The following RYR1 variants were observed in gnomAD, a reference collection of about 807,000 sequenced individuals.
RYR1 encodes ryanodine receptor 1.
In RYR1, 342 loss-of-function variants were observed where a neutral mutation model predicts 583.5. That is an observed-to-expected ratio of 0.59 (90% CI 0.54 to 0.64). The LOEUF (loss-of-function observed/expected upper bound fraction) is 0.64. Among genes scored for constraint, RYR1 ranks in the 30% least tolerant of loss-of-function variants. RYR1 has a pLI of 0.00. For synonymous variants in RYR1, 2,791 were observed against 2,822.5 expected, an observed-to-expected ratio of 0.99 and a Z score of 0.35; for missense variants, 6,032 against 6,917.2, an observed-to-expected ratio of 0.87 and a Z score of 4.54.
chr19:38,586,116 G>T lies in RYR1; in HGVS notation c.14894G>T (p.Gly4965Val). The change falls in exon 104 of 106, where the codon GGC (glycine) becomes GTC (valine). Residue 4965 changes from glycine to valine, a missense_variant. Coordinates refer to ENST00000359596, the MANE Select transcript of RYR1 (RefSeq NM_000540.3). ...ACCAAGTGCTTCATCTGTGGAATCG[G>T]CAGTGACTACTTTGATACGACACCG... is the stretch of plus-strand genomic sequence containing the variant. ...METKCFICGI[G>V]SDYFDTTPHG... 1.2e-6 allele frequency: 2 copies of T among 1,614,106 alleles called. No homozygotes were observed. Among genetic ancestry groups the T allele is most frequent in the Non-Finnish European group, 1.7e-6 (2 of 1,180,020 alleles).
At chr19:38,558,488 A>G (rs1049879672) in intron 89 of RYR1, among the ~76,000 whole-genome samples, 5 of 152,178 alleles carry the variant, frequency 3.3e-5, no homozygotes, top group African/African-American at 1.2e-4. Flanking sequence ...TGTACCCACA[A>G]AAATGAAAAA....
chr19:38,497,064 G>A, intron 42 of RYR1, 110 bp downstream of exon 42: 1 of 876,938 alleles, frequency 1.1e-6, no homozygotes. Context: ...AATTCTGGAT[G>A]GTCCAGTGCC....
chr19:38,500,403 G>C lies in RYR1; in HGVS notation c.7324-203G>C, dbSNP rs916349587. On this transcript the variant is annotated intron_variant, in intron 45 of 105. Coordinates refer to ENST00000359596, the MANE Select transcript of RYR1 (RefSeq NM_000540.3). The surrounding 1 kb of genome is among the most constrained non-coding windows in gnomAD (Gnocchi z 5.9). ...TGAGGGGTCGCAGGGAGAGGGGTCA[G>C]GATGAGGTTGGGGGGAACAAGGAGA... 2.0e-5 allele frequency among the ~76,000 whole-genome samples: 3 copies of C among 149,852 alleles called. No homozygotes were observed. The highest frequency in any genetic ancestry group is 4.9e-5 in the African/African-American group (2 of 40,570).
chr19:38,497,338 G>A (rs774562677), intron 42 of RYR1, among the ~76,000 whole-genome samples: 4 of 152,206 alleles, frequency 2.6e-5, no homozygotes, highest in Non-Finnish European at 5.9e-5. Flanking sequence ...TTCCAGCCAG[G>A]TGGCCTTGGC....
chr19:38,549,371 C>T (rs990968841), intron 89 of RYR1, among the ~76,000 whole-genome samples: 20 of 152,016 alleles, frequency 1.3e-4, no homozygotes, highest in Non-Finnish European at 2.5e-4. Flanking sequence ...GTGGGAGGAT[C>T]GCTTGAGCCC....
chr19:38,506,960 G>A lies in RYR1; in HGVS notation c.8816+8G>A, dbSNP rs2145638748. 1.2e-6 allele frequency: 2 copies of A among 1,612,440 alleles called. No individual in the cohort carries two copies. Among genetic ancestry groups the A allele is most frequent in the Non-Finnish European group, 1.7e-6 (2 of 1,180,018 alleles). On this transcript the variant is annotated splice_region_variant and intron_variant, in intron 57 of 105. Transcript: ENST00000359596. ...TGGCTACGCGGTTACAAGGCACGCG[G>A]GTTGGGGCTCCCGCGGAAGAGCAGC...
Position 38,512,786 on chromosome 19 carries a change from A to C in RYR1, c.9472+303A>C, listed in dbSNP as rs1316601708. Reference sequence around the variant, plus strand: ...CAAGACCAGCTTGGGCAACATAGCGAGACCCTGTCTCTACTAAAAAAAAAA... The same window carrying C: ...CAAGACCAGCTTGGGCAACATAGCGCGACCCTGTCTCTACTAAAAAAAAAA... On this transcript the variant is annotated intron_variant, in intron 63 of 105. Coordinates refer to ENST00000359596, the MANE Select transcript of RYR1 (RefSeq NM_000540.3). The surrounding 1 kb of genome is among the most constrained non-coding windows in gnomAD (Gnocchi z 5.1). 6.6e-6 allele frequency among the ~76,000 whole-genome samples: 1 copy of C among 151,566 alleles called. No homozygotes were observed. Among genetic ancestry groups the C allele is most frequent in the African/African-American group, 2.4e-5 (1 of 41,212 alleles).
chr19:38,477,775 C>A lies in RYR1; in HGVS notation c.4359C>A (p.Thr1453=), dbSNP rs1265582299. ...GCTGCGTGTGGGCGGGCTGGGTCAC[C>A]CCTGACTACCATCAGCACGACATGA... ...EPSCVWAGWV[T]PDYHQHDMSF... Residue 1453 remains threonine, a synonymous_variant, in exon 30 of 106, where the codon ACC becomes ACA. Coordinates refer to ENST00000359596, the MANE Select transcript of RYR1 (RefSeq NM_000540.3). 1 of 1,614,122 alleles carries A rather than the reference C, an allele frequency of 6.2e-7. No individual in the cohort carries two copies. Among genetic ancestry groups the A allele is most frequent in the South Asian group, 1.1e-5 (1 of 91,072 alleles).
Position 38,496,246 on chromosome 19 carries a change from C to T in RYR1, c.6580C>T (p.His2194Tyr). ...NIMNNKVFYQHPNLMRALGMH... is the reference protein window; with the variant it reads ...NIMNNKVFYQYPNLMRALGMH... Reference sequence around the variant, plus strand: ...CATGAACAACAAAGTCTTCTACCAACACCCGAACCTGATGAGGGCGCTGGG... The same window carrying T: ...CATGAACAACAAAGTCTTCTACCAATACCCGAACCTGATGAGGGCGCTGGG... Residue 2194 changes from histidine to tyrosine, a missense_variant, in exon 40 of 106, where the codon CAC becomes TAC. His to Tyr is a moderately conservative substitution (Grantham distance 83). Around this residue, in one of 11 missense-constraint regions of RYR1, gnomAD observed 2,627 missense variants for 2,961.3 expected, o/e 0.89. Transcript: ENST00000359596. This position sits in a 1 kb window ranked among gnomAD's most constrained non-coding sequence, Gnocchi z 4.8. 2 of 1,613,918 alleles carry T rather than the reference C, an allele frequency of 1.2e-6. No homozygotes were observed. The highest frequency in any genetic ancestry group is 1.7e-6 in the Non-Finnish European group (2 of 1,180,038).
intron 27 of RYR1, among the ~76,000 whole-genome samples, chr19:38,471,079 TG>T (rs1968397028): frequency 6.6e-6 from 1 of 152,254 alleles, no homozygotes; most frequent in Non-Finnish European, 1.5e-5. Context: ...GCACAGGCTG[TG>T]GGATTCCATT....
At chr19:38,506,569 C>G (rs1168255849) in intron 56 of RYR1, 23 bp downstream of exon 56, 3 of 1,613,040 alleles carry the variant, frequency 1.9e-6, no homozygotes, top group Non-Finnish European at 2.5e-6. Flanking sequence ...ATGCCGCCCC[C>G]ACGCTACCCC....
intron 89 of RYR1, among the ~76,000 whole-genome samples, chr19:38,556,117 C>T (rs1264714633): frequency 6.6e-6 from 1 of 152,028 alleles, no homozygotes; most frequent in East Asian, 1.9e-4. Context: ...GCCCTCCTCA[C>T]CCTCCGAAAG....
intron 38 of RYR1, among the ~76,000 whole-genome samples, chr19:38,493,438 C>T (rs1362814712): frequency 6.6e-6 from 1 of 152,050 alleles, no homozygotes; most frequent in Non-Finnish European, 1.5e-5. Flanking sequence ...GGCACTGTTA[C>T]CAGGGCTGGG....
chr19:38,478,318 T>G, intron 30 of RYR1, 117 bp from the exon 31 acceptor site: 3 of 1,105,566 alleles, frequency 2.7e-6, no homozygotes, highest in Non-Finnish European at 4.0e-6. Context: ...CTGCAGGCGG[T>G]GGGTGTTTGG....
chr19:38,528,960 G>C lies in RYR1; in HGVS notation c.11044G>C (p.Glu3682Gln), dbSNP rs1441652300. 1.1e-5 allele frequency: 17 copies of C among 1,608,698 alleles called. No individual in the cohort carries two copies. Among genetic ancestry groups the C allele is most frequent in the Non-Finnish European group, 1.4e-5 (17 of 1,177,560 alleles). ...RMIDDLSKAG[E>Q]QEEEEEEVEE... ...TCCCCTCTCCCACCAGAAAGCTGGGGAGCAGGAGGAGGAGGAGGAAGAGGT... is the reference window on the plus strand; with the variant it reads ...TCCCCTCTCCCACCAGAAAGCTGGGCAGCAGGAGGAGGAGGAGGAAGAGGT... The change falls in exon 76 of 106, where the codon GAG becomes CAG. Residue 3682 changes from glutamate to glutamine, a missense_variant. Physicochemically the swap from Glu to Gln is conservative, Grantham distance 29 (BLOSUM62 2). Around this residue, in one of 11 missense-constraint regions of RYR1, gnomAD observed 1,493 missense variants for 1,715.5 expected, o/e 0.87. Transcript: ENST00000359596.
intron 101 of RYR1, among the ~76,000 whole-genome samples, chr19:38,582,406 G>T (rs555707788): frequency 4.1e-5 from 6 of 147,930 alleles, no homozygotes; most frequent in Non-Finnish European, 7.5e-5. Flanking sequence ...TCAAAAAAAA[G>T]GAAAAAAAAA....
At chr19:38,518,795 G>A (rs1971089293) in intron 66 of RYR1, among the ~76,000 whole-genome samples, 2 of 152,162 alleles carry the variant, frequency 1.3e-5, no homozygotes, top group Admixed American at 6.5e-5. Context: ...TGGGTGTGGT[G>A]GCAGACGCCT....
At chr19:38,580,542 T>A (rs1164284567) in intron 101 of RYR1, 38 bp downstream of exon 101, 4 of 1,612,640 alleles carry the variant, frequency 2.5e-6, no homozygotes. Context: ...CCCTTCCTTC[T>A]CGCATCTGTT....
At chr19:38,469,219 A>C in intron 26 of RYR1, 79 bp downstream of exon 26, 11 of 1,606,734 alleles carry the variant, frequency 6.8e-6, no homozygotes, top group Admixed American at 1.7e-5. Flanking sequence ...TTCTGCCTCC[A>C]ACTCTCCCAT....
Sources: allele counts gnomAD v4.1 joint callset (sites outside exome capture counted in the v4.1 genomes callset), GRCh38; gene constraint gnomAD v4.1.1; regional missense constraint gnomAD v4.1.1; non-coding constraint Gnocchi (gnomAD v3.1); transcripts MANE v1.5; gene names NCBI Gene and HGNC (gene_info 2026-07-23, HGNC 2026-07-21).